Variants in VAV2 observed in about 807,000 individuals in gnomAD.
The protein encoded by VAV2 is guanine nucleotide exchange factor VAV2.
In VAV2, 67 loss-of-function variants were observed where a neutral mutation model predicts 132.5. The observed-to-expected ratio is 0.51, with a 90% confidence interval of 0.42 to 0.62. The LOEUF (loss-of-function observed/expected upper bound fraction) is 0.62. Among genes scored for constraint, VAV2 ranks in the 20% least tolerant of loss-of-function variants. The pLI, the probability that VAV2 is intolerant of heterozygous loss-of-function variation, is 0.00. For synonymous variants in VAV2, 492 were observed against 443.5 expected (o/e 1.11, Z -1.37); for missense variants, 938 against 1,153.6 (o/e 0.81, Z 2.71).
At chr9:133,795,046 A>G (rs1026439946) in intron 12 of VAV2, among the ~76,000 whole-genome samples, 11 of 152,246 alleles carry the variant, frequency 7.2e-5, no homozygotes, top group African/African-American at 2.7e-4. Flanking sequence ...GGGAGGGATC[A>G]AACCTGCCTG....
At position 133,763,862 on chromosome 9, in the gene VAV2, C is replaced by G; in HGVS notation, c.*200G>C. The stretch of plus-strand genomic sequence containing the variant: ...GGTTTCCTCTATGTACAATAGCATA[C>G]CCAGTGATGGGTCGCCGAGGGCAGG... On this transcript the variant is annotated 3_prime_UTR_variant, in exon 30 of 30. Coordinates refer to ENST00000371850, the MANE Select transcript of VAV2 (RefSeq NM_001134398.2). This position sits in a 1 kb window ranked among gnomAD's most constrained non-coding sequence, Gnocchi z 6.8. The G allele has an allele frequency of 4.7e-6, 3 of 638,500 alleles. No homozygotes were observed. Among genetic ancestry groups the G allele is most frequent in the Non-Finnish European group, 8.2e-6 (3 of 366,434 alleles). 39.6% of individuals were successfully genotyped at this position (638,500 alleles called of 1,614,324 possible).
Position 133,926,791 on chromosome 9 carries a change from C to T in VAV2, c.321+12312G>A, listed in dbSNP as rs912536479. ...GCAGTGGCCCCTGGCTCCCTGTCTT[C>T]CCAGGCTCCGATCATCTGAGGCTGC... On this transcript the variant is annotated intron_variant, in intron 2 of 29. Transcript: ENST00000371850. The surrounding 1 kb of genome is among the most constrained non-coding windows in gnomAD (Gnocchi z 4.3). 1.1e-4 allele frequency among the ~76,000 whole-genome samples: 17 copies of T among 152,308 alleles called. No homozygotes were observed. The highest frequency in any genetic ancestry group is 4.2e-4 in the South Asian group (2 of 4,818).
intron 13 of VAV2, among the ~76,000 whole-genome samples, chr9:133,790,270 G>A (rs569794595): frequency 2.0e-5 from 3 of 152,228 alleles, no homozygotes; most frequent in Admixed American, 6.5e-5. Context: ...TCTGCCTCCC[G>A]GGTTCAAGAG....
Position 133,783,119 on chromosome 9 carries a change from G to T in VAV2, c.1723+384C>A, listed in dbSNP as rs532497886. On this transcript the variant is annotated intron_variant, in intron 19 of 29. Transcript: ENST00000371850. ...AGCTACTGATGGCCAGGCCTCACCCGCCGGGAGAACCCAGGGTGACCGGTG... is the reference window on the plus strand; with the variant it reads ...AGCTACTGATGGCCAGGCCTCACCCTCCGGGAGAACCCAGGGTGACCGGTG... Among the ~76,000 whole-genome samples, 4 of 152,286 alleles carry T rather than the reference G, an allele frequency of 2.6e-5. No homozygotes were observed. The East Asian group carries it at 5.8e-4, about 22-fold the overall frequency.
intron 1 of VAV2, among the ~76,000 whole-genome samples, chr9:133,974,342 C>G (rs72764861): frequency 0.11 from 16,217 of 152,196 alleles, 1,003 homozygotes; most frequent in African/African-American, 0.15. Context: ...GGTCCCAGAA[C>G]GGCCCACAGT....
At chr9:133,810,114 A>G in intron 6 of VAV2, 77 bp downstream of exon 6, 1 of 1,600,044 alleles carries the variant, frequency 6.2e-7, no homozygotes, top group Non-Finnish European at 8.5e-7. Context: ...TTTCTCAGAG[A>G]GGTCTGAGAC....
At chr9:133,967,950 A>C (rs1353601725) in intron 1 of VAV2, among the ~76,000 whole-genome samples, 1 of 151,260 alleles carries the variant, frequency 6.6e-6, no homozygotes, top group Non-Finnish European at 1.5e-5. Context: ...AAAAAAAAAA[A>C]AAAAAAACCT....
chr9:133,938,684 C>T (rs909830217), intron 2 of VAV2, among the ~76,000 whole-genome samples: 6 of 152,092 alleles, frequency 3.9e-5, no homozygotes, highest in Non-Finnish European at 4.4e-5. Flanking sequence ...GGCGCTTTCC[C>T]CTCCTCATCT....
At chr9:133,772,441 C>T (rs1345413943) in intron 25 of VAV2, among the ~76,000 whole-genome samples, 6 of 152,186 alleles carry the variant, frequency 3.9e-5, no homozygotes, top group Admixed American at 1.3e-4. Context: ...TCCACTTGGC[C>T]GGCCAGGCCT....
At chr9:133,779,854 G>A (rs1833943709) in intron 21 of VAV2, 64 bp downstream of exon 21, 1 of 1,586,868 alleles carries the variant, frequency 6.3e-7, no homozygotes, top group African/African-American at 1.3e-5. Flanking sequence ...CCTAGGCCCT[G>A]GCTCAGCTCC....
Position 133,768,542 on chromosome 9 carries a change from C to G in VAV2, c.2489G>C (p.Arg830Pro). The G allele has an allele frequency of 6.2e-7, 1 of 1,614,018 alleles. No homozygotes were observed. Residue 830 changes from arginine (R) to proline (P), a missense_variant, in exon 29 of 30, where the codon CGA (arginine) becomes CCA (proline). Physicochemically the swap from Arg to Pro is moderately radical, Grantham distance 103. Transcript: ENST00000371850. The surrounding 1 kb of genome is among the most constrained non-coding windows in gnomAD (Gnocchi z 5.3). ...CCGCAGCGAAAGCTCCCTCATATCT[C>G]GGGCGGCAAAGTTATACCTGGCCAC... ...TAVARYNFAA[R>P]DMRELSLREG...
rs139581342 is a variant in VAV2, at chr9:133,969,435, C to T, written c.204+22640G>A. Among the ~76,000 whole-genome samples the T allele has an allele frequency of 1.3e-5, 2 of 152,260 alleles. No homozygotes were observed. The highest frequency in any genetic ancestry group is 3.9e-4 in the East Asian group (2 of 5,176). Reference sequence around the variant, plus strand: ...ACCCACCAAGACCACTGACCTCCCACCTTCAAGTCCAGCAAACCTGGACAC... The same window carrying T: ...ACCCACCAAGACCACTGACCTCCCATCTTCAAGTCCAGCAAACCTGGACAC... On this transcript the variant is annotated intron_variant, in intron 1 of 29. Coordinates refer to ENST00000371850, the MANE Select transcript of VAV2 (RefSeq NM_001134398.2). The surrounding 1 kb of genome is among the most constrained non-coding windows in gnomAD (Gnocchi z 5.1).
intron 2 of VAV2, among the ~76,000 whole-genome samples, chr9:133,910,617 T>G (rs2132041179): frequency 6.7e-6 from 1 of 148,698 alleles, no homozygotes. Flanking sequence ...AAGACCATCC[T>G]GGCTAACACG....
intron 6 of VAV2, among the ~76,000 whole-genome samples, chr9:133,809,720 C>T (rs1835289634): frequency 6.6e-6 from 1 of 152,188 alleles, no homozygotes; most frequent in African/African-American, 2.4e-5. Flanking sequence ...GCAGGGCCTG[C>T]CCCCACCTCT....
At position 133,864,548 on chromosome 9, in the gene VAV2, G is replaced by A. The variant is rs139912461; in HGVS notation, c.322-3116C>T. ...TCAGGTTCCAAGACACCGGCAGCCCGTCAGCCTCCACACAGCCACAGCACA... is the reference window on the plus strand; with the variant it reads ...TCAGGTTCCAAGACACCGGCAGCCCATCAGCCTCCACACAGCCACAGCACA... On this transcript the variant is annotated intron_variant, in intron 2 of 29. Transcript: ENST00000371850. Among the ~76,000 whole-genome samples, 591 of 152,222 alleles carry A rather than the reference G, an allele frequency of 3.9e-3. 4 individuals are homozygous for A. The highest frequency in any genetic ancestry group is 0.013 in the African/African-American group (534 of 41,498).
intron 1 of VAV2, among the ~76,000 whole-genome samples, chr9:133,980,735 C>T (rs1842666592): frequency 6.6e-6 from 1 of 152,224 alleles, no homozygotes; most frequent in Non-Finnish European, 1.5e-5. Flanking sequence ...TATGTCTCTA[C>T]TCATCAGAGC....
chr9:133,784,892 C>A (rs114717304), intron 17 of VAV2, among the ~76,000 whole-genome samples: 1 of 151,948 alleles, frequency 6.6e-6, no homozygotes, highest in South Asian at 2.1e-4. Flanking sequence ...GGTGGGGTGA[C>A]GCGGATGGCG....
intron 19 of VAV2, among the ~76,000 whole-genome samples, chr9:133,782,097 CGGCG>C (rs1554771524): frequency 8.0e-5 from 11 of 137,226 alleles, no homozygotes; most frequent in African/African-American, 1.4e-4. Context: ...ATTAATAATC[CGGCG>C]GGGGCGGGGC....
intron 14 of VAV2, 147 bp downstream of exon 14, chr9:133,789,111 A>C: frequency 1.2e-6 from 1 of 850,752 alleles, no homozygotes; most frequent in Non-Finnish European, 1.8e-6. Context: ...GAAGGAAGCA[A>C]TTAAAACTGA....
Sources: gnomAD v4.1 joint callset for allele counts (sites outside exome capture counted in the v4.1 genomes callset) on GRCh38, gnomAD v4.1.1 for gene constraint, Gnocchi (gnomAD v3.1) non-coding constraint, MANE v1.5 for transcripts, NCBI Gene and HGNC (gene_info 2026-07-23, HGNC 2026-07-21) for gene names.